FAHD1: variants seen among roughly 807,000 people sequenced by gnomAD.
FAHD1 encodes FAH domain containing oxaloacetate decarboxylase 1.
Under a neutral mutation model 12.7 loss-of-function variants are expected in FAHD1, and 14 were observed. That is an observed-to-expected ratio of 1.10 (90% confidence interval 0.73 to 1.72). The LOEUF is 1.72. FAHD1 is among the 40% of genes most tolerant of loss of function. The pLI is 0.00. For missense variants in FAHD1, 351 were observed against 298.9 expected, an observed-to-expected ratio of 1.17 and a Z score of -1.29; for synonymous variants, 153 against 124.9, an observed-to-expected ratio of 1.22 and a Z score of -1.50.
chr16:1,830,944 A>ACACACACACACACACACACACC (rs57025691), downstream of FAHD1, among the ~76,000 whole-genome samples: 3 of 147,308 alleles, frequency 2.0e-5, no homozygotes, highest in South Asian at 2.2e-4. Flanking sequence ...ACACACACAC[A>ACACACACACACACACACACACC]CCCATATTTT....
chr16:1,831,542 A>G (rs1898619780), downstream of FAHD1, among the ~76,000 whole-genome samples: 1 of 152,184 alleles, frequency 6.6e-6, no homozygotes, highest in South Asian at 2.1e-4. Context: ...GACTTCAGCA[A>G]GTGAAGATTT....
downstream of FAHD1, among the ~76,000 whole-genome samples, chr16:1,833,554 CTTTTTTTTTTTT>C (rs769668788): frequency 1.7e-5 from 2 of 114,288 alleles, no homozygotes; most frequent in African/African-American, 7.0e-5. Context: ...TTTAGAGGTA[CTTTTTTTTTTTT>C]TTTTTTTTTT....
exon 1 of FAHD1, chr16:1,828,106 C>A (rs184927777): frequency 1.9e-6 from 2 of 1,071,180 alleles, no homozygotes; most frequent in African/African-American, 1.6e-5. Context: ...AGGGTGAAAC[C>A]CCGTCTCTAC....
At position 1,827,231 on chromosome 16, in the gene FAHD1, T is replaced by C. The variant is rs745817340; in HGVS notation, c.-8T>C. The C allele has an allele frequency of 1.3e-6, 2 of 1,597,896 alleles. No individual in the cohort carries two copies. Among genetic ancestry groups the C allele is most frequent in the Admixed American group, 1.7e-5 (1 of 59,714 alleles). On this transcript the variant is annotated 5_prime_UTR_variant, in exon 1 of 1. The change abolishes an upstream ATG in the 5' untranslated region. Coordinates refer to ENST00000427358, the Ensembl canonical transcript of FAHD1. Reference sequence around the variant, plus strand: ...CCCACGTGACTACAGGGGCACTTGATGGGAATCATGGCAGCATCCAGGCCA... The same window carrying C: ...CCCACGTGACTACAGGGGCACTTGACGGGAATCATGGCAGCATCCAGGCCA...
At chr16:1,837,876 T>TA (rs759300021) in intron 1 of FAHD1, 4,399 of 1,313,688 alleles carry the variant, frequency 3.3e-3, no homozygotes, top group South Asian at 5.4e-3. Context: ...TGTACCTGGT[T>TA]AAAAAAAAAA....
At chr16:1,828,644 T>G in exon 1 of FAHD1, 1 of 967,410 alleles carries the variant, frequency 1.0e-6, no homozygotes, top group Non-Finnish European at 1.2e-6. Context: ...CTCCACAAAT[T>G]ACTGGCCCAT....
intron 1 of FAHD1, chr16:1,837,569 G>C: frequency 2.8e-6 from 1 of 353,274 alleles, no homozygotes; most frequent in East Asian, 4.6e-5. Flanking sequence ...TTCTTTGTTG[G>C]TCTATTTTCT....
intron 1 of FAHD1, among the ~76,000 whole-genome samples, chr16:1,834,711 T>A (rs1898692363): frequency 6.6e-6 from 1 of 151,952 alleles, no homozygotes; most frequent in Non-Finnish European, 1.5e-5. Context: ...GGCGGGTGGA[T>A]CACCTGAGGT....
At chr16:1,835,862 CTTTT>C (rs34146401) in intron 1 of FAHD1, among the ~76,000 whole-genome samples, 26,256 of 142,768 alleles carry the variant, frequency 0.18, 2,401 homozygotes, top group South Asian at 0.28. Context: ...ATTCCTTTTT[CTTTT>C]TTTTTTTTTT....
At chr16:1,834,425 C>A (rs1898684666) in intron 1 of FAHD1, 4 of 909,638 alleles carry the variant, frequency 4.4e-6, no homozygotes, top group Non-Finnish European at 7.1e-6. Context: ...CCTTGTATAT[C>A]AAGTTGAAAA....
downstream of FAHD1, among the ~76,000 whole-genome samples, chr16:1,833,157 ACT>A (rs1317774032): frequency 6.6e-6 from 1 of 151,896 alleles, no homozygotes; most frequent in Non-Finnish European, 1.5e-5. Context: ...GAAGCAAGTG[ACT>A]CTCAATGGTG....
chr16:1,838,368 A>G (rs1424035296), intron 2 of FAHD1, among the ~76,000 whole-genome samples: 1 of 152,210 alleles, frequency 6.6e-6, no homozygotes, highest in Non-Finnish European at 1.5e-5. Flanking sequence ...AAAGGTAATC[A>G]GGTATCTCAG....
downstream of FAHD1, among the ~76,000 whole-genome samples, chr16:1,829,728 C>A (rs907382465): frequency 6.6e-6 from 1 of 152,092 alleles, no homozygotes; most frequent in Non-Finnish European, 1.5e-5. Context: ...GCAATTAGAA[C>A]AAAACACCAA....
chr16:1,838,134 G>A (rs1898799225), exon 2 of FAHD1: 4 of 575,178 alleles, frequency 7.0e-6, no homozygotes, highest in Non-Finnish European at 1.2e-5. Flanking sequence ...TGAGGTTACA[G>A]GTATGCACTA....
chr16:1,838,191 G>A (rs922739070), intron 2 of FAHD1: 13 of 469,886 alleles, frequency 2.8e-5, no homozygotes, highest in Middle Eastern at 3.0e-4. Flanking sequence ...GTAGAGACAG[G>A]GTCTCACTAT....
At chr16:1,828,512 CAGT>C (rs1898557719) in exon 1 of FAHD1, 20 of 1,000,046 alleles carry the variant, frequency 2.0e-5, no homozygotes, top group Non-Finnish European at 2.4e-5. Flanking sequence ...CTAGGATGAT[CAGT>C]AGTTCAGCAC....
chr16:1,830,899 T>C (rs879498034), downstream of FAHD1, among the ~76,000 whole-genome samples: 334 of 140,048 alleles, frequency 2.4e-3, 2 homozygotes, highest in Admixed American at 3.6e-3. Context: ...TATGCAGACA[T>C]GCACCTCTCT....
At chr16:1,834,537 G>A (rs543984767) in intron 1 of FAHD1, among the ~76,000 whole-genome samples, 152 of 152,266 alleles carry the variant, frequency 1.0e-3, no homozygotes, top group Non-Finnish European at 1.6e-3. Context: ...TTCCAGTCTC[G>A]GAGTACAGTT....
At chr16:1,831,547 A>T (rs1162030571), downstream of FAHD1, among the ~76,000 whole-genome samples, 1 of 152,188 alleles carries the variant, frequency 6.6e-6, no homozygotes, top group Non-Finnish European at 1.5e-5. Flanking sequence ...CAGCAAGTGA[A>T]GATTTTCTGG....
Sources: gnomAD v4.1 joint callset for allele counts (sites outside exome capture counted in the v4.1 genomes callset) on GRCh38, gnomAD v4.1.1 for gene constraint, MANE v1.5 for transcripts, NCBI Gene and HGNC (gene_info 2026-07-23, HGNC 2026-07-21) for gene names.